Variants in ASPRV1 observed in about 807,000 individuals in gnomAD.
ASPRV1 encodes retroviral-like aspartic protease 1.
Under a neutral mutation model 11.0 loss-of-function variants are expected in ASPRV1, and 7 were observed. The ratio of observed to expected loss-of-function variants is 0.64; its 90% confidence interval spans 0.36 to 1.20. ASPRV1 has a LOEUF of 1.20. ASPRV1 is among the 50% of genes most tolerant of loss of function. The pLI is 0.02. For missense variants in ASPRV1, 299 were observed against 320.0 expected (o/e 0.93, Z 0.50); for synonymous variants, 136 against 138.4 (o/e 0.98, Z 0.12).
chr2:70,082,255 C>G, the ASPRV1 span, among the ~76,000 whole-genome samples: 2 of 151,958 alleles, frequency 1.3e-5, no homozygotes. Flanking sequence ...ATCCACAGTA[C>G]TTGGCCAGTA....
chr2:69,933,044 C>G, the ASPRV1 span, among the ~76,000 whole-genome samples: 7 of 151,638 alleles, frequency 4.6e-5, no homozygotes, highest in Non-Finnish European at 8.8e-5. Flanking sequence ...GCTAAAAATA[C>G]AAAAATTAGC....
chr2:69,951,813 T>C, the ASPRV1 span, among the ~76,000 whole-genome samples: 1 of 152,158 alleles, frequency 6.6e-6, no homozygotes, highest in Admixed American at 6.5e-5. Flanking sequence ...CAATTATGTC[T>C]CCTCTACTTA....
At chr2:70,021,320 CTTT>C in the ASPRV1 span, among the ~76,000 whole-genome samples, 3 of 137,602 alleles carry the variant, frequency 2.2e-5, no homozygotes, top group Non-Finnish European at 3.2e-5. Context: ...TGAATAAATT[CTTT>C]TTTTTTTTTT....
the ASPRV1 span, among the ~76,000 whole-genome samples, chr2:69,946,005 G>A: frequency 1.3e-5 from 2 of 152,290 alleles, no homozygotes; most frequent in East Asian, 3.9e-4. Flanking sequence ...AGGGGAAAGA[G>A]AGAAAGGCAC....
At chr2:70,065,687 T>C in the ASPRV1 span, among the ~76,000 whole-genome samples, 1 of 150,588 alleles carries the variant, frequency 6.6e-6, no homozygotes, top group South Asian at 2.1e-4. Flanking sequence ...TAGCCAGGTG[T>C]GGTGGCGCAT....
chr2:70,038,000 CCTT>C, the ASPRV1 span, among the ~76,000 whole-genome samples: 3 of 152,246 alleles, frequency 2.0e-5, no homozygotes, highest in Non-Finnish European at 2.9e-5. Context: ...GAGCTCTCCT[CCTT>C]GACAAGAATT....
the ASPRV1 span, among the ~76,000 whole-genome samples, chr2:69,948,969 G>T: frequency 6.6e-6 from 1 of 151,780 alleles, no homozygotes; most frequent in East Asian, 2.0e-4. Context: ...GGCACCTCGC[G>T]GCGGACTGCG....
the ASPRV1 span, among the ~76,000 whole-genome samples, chr2:69,946,455 G>A: frequency 6.6e-6 from 1 of 152,182 alleles, no homozygotes; most frequent in East Asian, 1.9e-4. Flanking sequence ...ATAACAGCAT[G>A]TACTTCCCAG....
the ASPRV1 span, among the ~76,000 whole-genome samples, chr2:69,996,520 TA>T: frequency 6.6e-6 from 1 of 152,212 alleles, no homozygotes; most frequent in Non-Finnish European, 1.5e-5. Flanking sequence ...CAGAGAACAT[TA>T]CTATCATCAT....
At chr2:69,945,021 C>A in the ASPRV1 span, among the ~76,000 whole-genome samples, 20 of 152,156 alleles carry the variant, frequency 1.3e-4, no homozygotes, top group African/African-American at 4.8e-4. Context: ...GTCACTATGA[C>A]CTAGATGAGG....
chr2:69,955,984 C>T (rs1302185294), downstream of ASPRV1, among the ~76,000 whole-genome samples: 1 of 152,010 alleles, frequency 6.6e-6, no homozygotes, highest in Non-Finnish European at 1.5e-5. Flanking sequence ...TCAGACCCCA[C>T]TCAAAGGAAC....
the ASPRV1 span, among the ~76,000 whole-genome samples, chr2:69,947,120 C>T: frequency 6.6e-6 from 1 of 152,308 alleles, no homozygotes; most frequent in African/African-American, 2.4e-5. Flanking sequence ...GACCTCTGAG[C>T]AACTGCAGAG....
At chr2:70,064,985 C>T in the ASPRV1 span, among the ~76,000 whole-genome samples, 1 of 152,050 alleles carries the variant, frequency 6.6e-6, no homozygotes, top group South Asian at 2.1e-4. Flanking sequence ...ATCCCAGCTA[C>T]TGAGGAGGCT....
At chr2:70,008,534 T>C in the ASPRV1 span, among the ~76,000 whole-genome samples, 1 of 152,086 alleles carries the variant, frequency 6.6e-6, no homozygotes, top group East Asian at 1.9e-4. Context: ...TCCAACCTTG[T>C]CCAACCCACA....
the ASPRV1 span, among the ~76,000 whole-genome samples, chr2:69,945,013 C>T: frequency 6.6e-6 from 1 of 152,168 alleles, no homozygotes; most frequent in Admixed American, 6.5e-5. Context: ...TCTTCGATGT[C>T]ACTATGACCT....
chr2:69,937,531 A>T, the ASPRV1 span: 1 of 789,604 alleles, frequency 1.3e-6, no homozygotes, highest in Non-Finnish European at 1.9e-6. Context: ...GAACAGTGTG[A>T]CCTCCAGTGA....
chr2:70,033,276 A>AACACACACACAC, the ASPRV1 span, among the ~76,000 whole-genome samples: 344 of 141,592 alleles, frequency 2.4e-3, 1 homozygote, highest in East Asian at 0.015. Context: ...TCAAACAGAA[A>AACACACACACAC]ACACACACAC....
the ASPRV1 span, among the ~76,000 whole-genome samples, chr2:69,974,006 T>C: frequency 1.3e-5 from 2 of 152,214 alleles, no homozygotes; most frequent in African/African-American, 4.8e-5. Context: ...ACAGATGTAA[T>C]AGATGTACAT....
At chr2:69,989,301 C>T in the ASPRV1 span, among the ~76,000 whole-genome samples, 1 of 152,232 alleles carries the variant, frequency 6.6e-6, no homozygotes, top group Non-Finnish European at 1.5e-5. Flanking sequence ...CTGGCTGGGC[C>T]TTTTATAAGA....
Sources: gnomAD v4.1 joint callset for allele counts (sites outside exome capture counted in the v4.1 genomes callset) on GRCh38, gnomAD v4.1.1 for gene constraint, MANE v1.5 for transcripts, NCBI Gene and HGNC (gene_info 2026-07-23, HGNC 2026-07-21) for gene names.